Variants in ADCY2 observed in about 807,000 individuals in gnomAD.
The protein encoded by ADCY2 is adenylate cyclase 2.
Under a neutral mutation model 125.2 loss-of-function variants are expected in ADCY2, and 31 were observed. The observed-to-expected ratio is 0.25, with a 90% CI of 0.19 to 0.33. ADCY2 has a LOEUF of 0.33. Ranked by LOEUF, ADCY2 falls within the 10% of genes least tolerant of loss-of-function variation. The pLI is 1.00. For missense variants in ADCY2, 904 were observed against 1,418.2 expected (o/e 0.64, Z 5.82); for synonymous variants, 512 against 548.4 (o/e 0.93, Z 0.93).
intron 12 of ADCY2, among the ~76,000 whole-genome samples, chr5:7,724,113 A>AC (rs1184284683): frequency 2.3e-5 from 3 of 130,200 alleles, no homozygotes; most frequent in Non-Finnish European, 3.3e-5. Flanking sequence ...CTAGAAGCTA[A>AC]CAAAAAAAAA....
At chr5:7,818,734 G>GC in intron 23 of ADCY2, among the ~76,000 whole-genome samples, 1 of 152,148 alleles carries the variant, frequency 6.6e-6, no homozygotes, top group Admixed American at 6.5e-5. Context: ...CTTACACAAA[G>GC]ATGAGATGAC....
intron 4 of ADCY2, among the ~76,000 whole-genome samples, chr5:7,655,320 T>G (rs1428116936): frequency 6.6e-6 from 1 of 152,166 alleles, no homozygotes; most frequent in East Asian, 1.9e-4. Context: ...CAGGAAGAGA[T>G]CTATTGGGAA....
intron 4 of ADCY2, among the ~76,000 whole-genome samples, chr5:7,637,431 C>CA (rs71591740): frequency 0.31 from 22,603 of 73,622 alleles, 2,553 homozygotes; most frequent in Non-Finnish European, 0.33. Context: ...GACTCCGTCT[C>CA]AAAAAAAAAA....
intron 4 of ADCY2, among the ~76,000 whole-genome samples, chr5:7,629,078 G>GGTTA (rs1561133436): frequency 1.3e-5 from 2 of 151,856 alleles, no homozygotes; most frequent in African/African-American, 4.9e-5. Flanking sequence ...TCTTCATTCC[G>GGTTA]GAAGGATATG....
intron 4 of ADCY2, among the ~76,000 whole-genome samples, chr5:7,641,276 C>T (rs1454679615): frequency 6.6e-6 from 1 of 152,110 alleles, no homozygotes; most frequent in Non-Finnish European, 1.5e-5. Flanking sequence ...ATTACATCTG[C>T]CCCAAGATTC....
intron 2 of ADCY2, among the ~76,000 whole-genome samples, chr5:7,468,664 G>A (rs1347686794): frequency 6.6e-6 from 1 of 152,108 alleles, no homozygotes; most frequent in Non-Finnish European, 1.5e-5. Flanking sequence ...TTTGTATCTT[G>A]CTGCTTAGCT....
At chr5:7,625,583 C>T (rs1329159278) in intron 3 of ADCY2, among the ~76,000 whole-genome samples, 3 of 152,170 alleles carry the variant, frequency 2.0e-5, no homozygotes, top group Non-Finnish European at 4.4e-5. Context: ...TGAAAGACTA[C>T]CATATTTCTA....
intron 4 of ADCY2, among the ~76,000 whole-genome samples, chr5:7,632,243 G>A (rs1300055293): frequency 6.6e-6 from 1 of 152,042 alleles, no homozygotes; most frequent in African/African-American, 2.4e-5. Flanking sequence ...AGATATAAAG[G>A]CCTTGCCTGG....
At chr5:7,683,001 G>A (rs875347) in intron 4 of ADCY2, among the ~76,000 whole-genome samples, 67,091 of 152,028 alleles carry the variant, frequency 0.44, 15,563 homozygotes, top group East Asian at 0.83. Flanking sequence ...CCCTGTACTC[G>A]GTGGGATCAT....
At chr5:7,600,444 C>T (rs1737159567) in intron 3 of ADCY2, among the ~76,000 whole-genome samples, 1 of 152,160 alleles carries the variant, frequency 6.6e-6, no homozygotes, top group South Asian at 2.1e-4. Flanking sequence ...CCTCAGTCTT[C>T]TAGAAGTAGA....
intron 17 of ADCY2, among the ~76,000 whole-genome samples, chr5:7,768,424 T>C (rs1743459575): frequency 6.6e-6 from 1 of 152,184 alleles, no homozygotes; most frequent in Non-Finnish European, 1.5e-5. Flanking sequence ...ATATGATCCA[T>C]AGGCTGGTTG....
At chr5:7,791,536 G>A (rs867791551) in intron 20 of ADCY2, among the ~76,000 whole-genome samples, 5 of 152,202 alleles carry the variant, frequency 3.3e-5, no homozygotes, top group Middle Eastern at 3.4e-3. Flanking sequence ...GCCTTCCAGG[G>A]CTACACAACA....
chr5:7,826,604 G>A (rs752124321), intron 24 of ADCY2, 115 bp from the exon 25 acceptor site: 32 of 1,346,342 alleles, frequency 2.4e-5, no homozygotes, highest in Non-Finnish European at 3.3e-5. Context: ...CTTCTCAGGA[G>A]TGGAATTCCT....
intron 2 of ADCY2, among the ~76,000 whole-genome samples, chr5:7,468,262 A>T (rs1252321137): frequency 1.3e-5 from 2 of 152,196 alleles, no homozygotes. Context: ...AAAATCGGAG[A>T]CAGGGCATGA....
At chr5:7,506,766 G>C (rs1310999140) in intron 2 of ADCY2, among the ~76,000 whole-genome samples, 2 of 149,648 alleles carry the variant, frequency 1.3e-5, no homozygotes, top group African/African-American at 4.9e-5. Flanking sequence ...CGATAGAAAG[G>C]GGTAAATGTG....
intron 1 of ADCY2, among the ~76,000 whole-genome samples, chr5:7,410,039 G>C (rs1739649371): frequency 6.6e-6 from 1 of 152,128 alleles, no homozygotes; most frequent in Admixed American, 6.5e-5. Flanking sequence ...CAAAGCTAAA[G>C]GCTGATTTCA....
intron 15 of ADCY2, among the ~76,000 whole-genome samples, chr5:7,753,655 A>C (rs1371459290): frequency 6.6e-6 from 1 of 152,218 alleles, no homozygotes; most frequent in Admixed American, 6.5e-5. Context: ...ATTTTTCTAC[A>C]GAGCTACACA....
rs568019052 is a variant in ADCY2 at position 7,546,115 on chromosome 5, A to G, written c.570+25216A>G. Among the ~76,000 whole-genome samples, 11 of 152,228 alleles carry G rather than the reference A, an allele frequency of 7.2e-5. No homozygotes were observed. The South Asian group carries it at 1.9e-3, about 26-fold the overall frequency. On this transcript the variant is annotated intron_variant, in intron 3 of 24. Transcript: ENST00000338316. ...ATGCCATACAGCCCTCCGTTAGGGGACACAAAATGTTTTCGGAAAAGTACC... is the reference window on the plus strand; with the variant it reads ...ATGCCATACAGCCCTCCGTTAGGGGGCACAAAATGTTTTCGGAAAAGTACC...
chr5:7,682,777 G>A (rs553216997), intron 4 of ADCY2, among the ~76,000 whole-genome samples: 6 of 152,248 alleles, frequency 3.9e-5, no homozygotes, highest in African/African-American at 9.6e-5. Context: ...GATGGGAACC[G>A]GACTGGCTGA....
Sources: allele counts gnomAD v4.1 joint callset (sites outside exome capture counted in the v4.1 genomes callset), GRCh38; gene constraint gnomAD v4.1.1; transcripts MANE v1.5; gene names NCBI Gene and HGNC (gene_info 2026-07-23, HGNC 2026-07-21).